The following AFDN variants were observed in gnomAD, a reference collection of about 807,000 sequenced individuals.
The protein encoded by AFDN is afadin.
Under a neutral mutation model 216.6 loss-of-function variants are expected in AFDN, and 68 were observed. That is an observed-to-expected ratio of 0.31 (90% CI 0.26 to 0.38). The LOEUF (loss-of-function observed/expected upper bound fraction) is 0.38. Ranked by LOEUF, AFDN falls within the 10% of genes least tolerant of loss-of-function variation. The probability of loss-of-function intolerance (pLI) is 1.00; values close to 1 mark genes in which losing one functional copy is unlikely to be tolerated. For synonymous variants in AFDN, 868 were observed against 853.7 expected (o/e 1.02, Z -0.29); for missense variants, 2,136 against 2,342.0 (o/e 0.91, Z 1.82).
At chr6:167,867,215 G>A (rs1293355828) in intron 2 of AFDN, among the ~76,000 whole-genome samples, 2 of 152,004 alleles carry the variant, frequency 1.3e-5, no homozygotes, top group Admixed American at 1.3e-4. Flanking sequence ...GCACTCTGAA[G>A]GATTTTCATC....
chr6:167,888,462 G>A (rs1562613681), intron 6 of AFDN, among the ~76,000 whole-genome samples: 2 of 152,134 alleles, frequency 1.3e-5, no homozygotes, highest in African/African-American at 4.8e-5. Flanking sequence ...TGTTAGCAGT[G>A]TGTTAGAGTG....
chr6:167,891,349 G>C (rs943395807), intron 8 of AFDN, among the ~76,000 whole-genome samples: 1 of 149,406 alleles, frequency 6.7e-6, no homozygotes, highest in African/African-American at 2.5e-5. Context: ...TAGTAAAATA[G>C]TTACTCTACC....
intron 11 of AFDN, among the ~76,000 whole-genome samples, chr6:167,900,572 C>T (rs558227229): frequency 1.3e-5 from 2 of 152,186 alleles, no homozygotes; most frequent in African/African-American, 4.8e-5. Context: ...TAAAAATGAG[C>T]CATGTTAAAA....
chr6:167,957,322 A>G (rs987357378), intron 30 of AFDN, among the ~76,000 whole-genome samples: 6 of 152,192 alleles, frequency 3.9e-5, no homozygotes, highest in African/African-American at 1.4e-4. Context: ...TCTTCTGGGT[A>G]GCGCCACCTC....
At chr6:167,928,976 T>C (rs576786152) in intron 23 of AFDN, among the ~76,000 whole-genome samples, 151 of 152,310 alleles carry the variant, frequency 9.9e-4, no homozygotes, top group Admixed American at 2.3e-3. Flanking sequence ...ATATTTGTCA[T>C]GTGTGGTGAA....
chr6:167,869,452 C>G (rs937676351), intron 2 of AFDN, among the ~76,000 whole-genome samples: 5 of 152,216 alleles, frequency 3.3e-5, no homozygotes, highest in Admixed American at 3.3e-4. Context: ...ATTTGTAGCA[C>G]TGGCTCAAAG....
intron 1 of AFDN, among the ~76,000 whole-genome samples, chr6:167,846,240 A>G (rs1304902731): frequency 1.3e-5 from 2 of 151,966 alleles, no homozygotes. Context: ...CAAATTTATT[A>G]AACTCTCTGT....
chr6:167,868,769 T>TTTC (rs2128241185), intron 2 of AFDN, among the ~76,000 whole-genome samples: 1 of 149,496 alleles, frequency 6.7e-6, no homozygotes, highest in East Asian at 2.0e-4. Flanking sequence ...AATCTTTTTT[T>TTTC]TTTTTTTTTT....
chr6:167,968,116 A>G (rs960917233), intron 32 of AFDN, among the ~76,000 whole-genome samples: 1 of 152,258 alleles, frequency 6.6e-6, no homozygotes, highest in African/African-American at 2.4e-5. Context: ...AGAAGCCAGT[A>G]TCATTCTTAA....
chr6:167,854,787 G>T (rs1160410665), intron 1 of AFDN, among the ~76,000 whole-genome samples: 1 of 150,244 alleles, frequency 6.7e-6, no homozygotes, highest in Non-Finnish European at 1.5e-5. Flanking sequence ...TAAACATCTA[G>T]TAGGCTGACC....
chr6:167,943,512 C>T (rs1794932972), intron 25 of AFDN, 37 bp downstream of exon 25: 4 of 1,514,356 alleles, frequency 2.6e-6, no homozygotes, highest in Admixed American at 1.7e-5. Context: ...ATAGTATTAG[C>T]ATTTTTAGGT....
At chr6:167,901,923 T>A (rs1441546764) in intron 11 of AFDN, among the ~76,000 whole-genome samples, 1 of 151,656 alleles carries the variant, frequency 6.6e-6, no homozygotes, top group African/African-American at 2.4e-5. Flanking sequence ...TGAAACCCCA[T>A]CTCTACAAAA....
chr6:167,878,155 C>A (rs1231487386), intron 5 of AFDN, among the ~76,000 whole-genome samples: 1 of 151,658 alleles, frequency 6.6e-6, no homozygotes, highest in Non-Finnish European at 1.5e-5. Context: ...AGCGCGCAGT[C>A]TTGTGAGTAG....
intron 2 of AFDN, among the ~76,000 whole-genome samples, chr6:167,869,428 C>G (rs1284470625): frequency 6.6e-6 from 1 of 152,308 alleles, no homozygotes; most frequent in Admixed American, 6.5e-5. Context: ...GTAGGTCACT[C>G]AATACCTGTT....
intron 1 of AFDN, among the ~76,000 whole-genome samples, chr6:167,841,176 C>G (rs1025615646): frequency 3.3e-5 from 5 of 152,096 alleles, no homozygotes; most frequent in African/African-American, 9.7e-5. Flanking sequence ...GTGTCATTAA[C>G]CAGAATCAAA....
chr6:167,932,465 C>G (rs937815477), intron 23 of AFDN: 6 of 152,152 alleles, frequency 3.9e-5, no homozygotes, highest in Admixed American at 3.9e-4. Context: ...AAACAATTCC[C>G]TCCTTTTTAT....
chr6:167,864,721 A>G lies in AFDN; in HGVS notation c.276A>G (p.Ser92=). The G allele has an allele frequency of 6.2e-7, 1 of 1,614,108 alleles. No individual in the cohort carries two copies. Among genetic ancestry groups the G allele is most frequent in the Admixed American group, 1.7e-5 (1 of 60,022 alleles). Residue 92 remains serine (S), a synonymous_variant, in exon 2 of 34, where the codon TCA becomes TCG. Transcript: ENST00000683244. ...DMRMLSSPKY[S]LYEVHVSGER... ...GAATGCTGTCCTCTCCCAAGTATTCACTCTATGAAGTGCATGTCAGCGGAG... is the reference window on the plus strand; with the variant it reads ...GAATGCTGTCCTCTCCCAAGTATTCGCTCTATGAAGTGCATGTCAGCGGAG...
chr6:167,848,489 T>G (rs1781945098), intron 1 of AFDN, among the ~76,000 whole-genome samples: 2 of 152,176 alleles, frequency 1.3e-5, no homozygotes, highest in African/African-American at 4.8e-5. Context: ...TCTGTCCCTA[T>G]CCAGAGATTA....
intron 1 of AFDN, among the ~76,000 whole-genome samples, chr6:167,844,177 AGTGTGTGTGTGTGTGTGTGTGTGT>A (rs71004173): frequency 5.6e-5 from 8 of 141,696 alleles, no homozygotes; most frequent in African/African-American, 2.1e-4. Context: ...TCAAAAATGA[AGTGTGTGTGTGTGTGTGTGTGTGT>A]GTGTGTGTGT....
Sources: gnomAD v4.1 joint callset for allele counts (sites outside exome capture counted in the v4.1 genomes callset) on GRCh38, gnomAD v4.1.1 for gene constraint, MANE v1.5 for transcripts, NCBI Gene and HGNC (gene_info 2026-07-23, HGNC 2026-07-21) for gene names.